PTAFR: variants seen among roughly 807,000 people sequenced by gnomAD.
PTAFR encodes the protein platelet activating factor receptor.
A neutral mutation model predicts 14.7 loss-of-function variants in PTAFR; 8 were observed. The ratio of observed to expected loss-of-function variants is 0.54; its 90% CI spans 0.32 to 0.98. PTAFR has a LOEUF of 0.98. PTAFR is among the 50% of genes least tolerant of loss of function. The pLI, the probability that PTAFR is intolerant of heterozygous loss-of-function variation, is 0.04. For synonymous variants in PTAFR, 156 were observed against 176.5 expected (o/e 0.88, Z 0.92); for missense variants, 337 against 451.2 (o/e 0.75, Z 2.29).
intron 1 of PTAFR, among the ~76,000 whole-genome samples, chr1:28,156,371 A>G (rs1307182985): frequency 6.6e-6 from 1 of 152,204 alleles, no homozygotes; most frequent in South Asian, 2.1e-4. Context: ...CCAAAACAAC[A>G]TATCACAGCA....
chr1:28,150,824 G>A lies in PTAFR; in HGVS notation c.198C>T (p.Phe66=). ...MVNLTMADML[F]LITLPLWIVY... is the part of the protein sequence containing the mutation. The stretch of plus-strand genomic sequence containing the variant: ...CAATCCAAAGTGGCAGGGTGATCAA[G>A]AAGAGCATGTCCGCCATGGTGAGGT... Residue 66 remains phenylalanine, a synonymous_variant, in exon 2 of 2, where the codon TTC becomes TTT. Transcript: ENST00000373857. This position sits in a 1 kb window ranked among gnomAD's most constrained non-coding sequence, Gnocchi z 6.3. The A allele has an allele frequency of 5.6e-6, 9 of 1,614,178 alleles. No homozygotes were observed. The highest frequency in any genetic ancestry group is 7.6e-6 in the Non-Finnish European group (9 of 1,180,036).
chr1:28,161,347 G>A (rs1004981055), intron 1 of PTAFR, among the ~76,000 whole-genome samples: 12 of 152,186 alleles, frequency 7.9e-5, no homozygotes, highest in African/African-American at 2.9e-4. Flanking sequence ...TGGGGAGACT[G>A]CAGAAACAAA....
chr1:28,183,890 T>TCAAAA (rs1483465641), intron 1 of PTAFR, among the ~76,000 whole-genome samples: 5 of 151,788 alleles, frequency 3.3e-5, no homozygotes, highest in Non-Finnish European at 2.9e-5. Context: ...AGACTCCATC[T>TCAAAA]CAAAACAAAA....
intron 1 of PTAFR, among the ~76,000 whole-genome samples, chr1:28,192,870 C>T (rs1646665398): frequency 6.6e-6 from 1 of 152,170 alleles, no homozygotes; most frequent in African/African-American, 2.4e-5. Flanking sequence ...TGGTCTCGAA[C>T]TCCCGACCTC....
At chr1:28,185,041 C>T (rs1317988536) in intron 1 of PTAFR, among the ~76,000 whole-genome samples, 1 of 152,196 alleles carries the variant, frequency 6.6e-6, no homozygotes, top group Non-Finnish European at 1.5e-5. Flanking sequence ...TCAGTGGGGC[C>T]TTTCCTGACC....
chr1:28,181,283 G>A (rs911713465), upstream of PTAFR, among the ~76,000 whole-genome samples: 50 of 152,128 alleles, frequency 3.3e-4, no homozygotes, highest in African/African-American at 1.0e-3. Flanking sequence ...GTTTGAGCAC[G>A]TACAATTCAC....
chr1:28,160,562 A>AC (rs1384043446), intron 1 of PTAFR, among the ~76,000 whole-genome samples: 2 of 23,540 alleles, frequency 8.5e-5, no homozygotes, highest in Non-Finnish European at 1.8e-4. Flanking sequence ...TCCCCCCGCC[A>AC]CCCCCCACAC....
At chr1:28,189,641 T>G (rs1015509642) in intron 1 of PTAFR, among the ~76,000 whole-genome samples, 1 of 151,312 alleles carries the variant, frequency 6.6e-6, no homozygotes, top group Non-Finnish European at 1.5e-5. Context: ...TAAATAAACA[T>G]AATGCGATAC....
intron 1 of PTAFR, among the ~76,000 whole-genome samples, chr1:28,169,198 C>A (rs1646425431): frequency 6.6e-6 from 1 of 151,550 alleles, no homozygotes; most frequent in Admixed American, 6.6e-5. Context: ...GAGTTTGAGA[C>A]CAGTCTGGAC....
intron 1 of PTAFR, among the ~76,000 whole-genome samples, chr1:28,157,630 A>ATTTT (rs1197395346): frequency 2.3e-5 from 3 of 131,138 alleles, no homozygotes; most frequent in Non-Finnish European, 5.0e-5. Context: ...ATTAATTTTG[A>ATTTT]TTTTTTTTTT....
At position 28,149,875 on chromosome 1, in the gene PTAFR, T is replaced by C. The variant is rs1323989464; in HGVS notation, c.*118A>G. On this transcript the variant is annotated 3_prime_UTR_variant, in exon 2 of 2. Transcript: ENST00000373857. The stretch of plus-strand genomic sequence containing the variant: ...CTGCCCAGGTGAGGTAGCCTCCAAA[T>C]CTAATGGCCCACCAGTGCCCACAGA... The C allele has an allele frequency of 2.9e-6, 4 of 1,358,360 alleles. No individual in the cohort carries two copies. The highest frequency in any genetic ancestry group is 4.0e-6 in the Non-Finnish European group (4 of 999,792). The allele number at this position is 1,358,360 out of a possible 1,614,324, so 84.1% of individuals were successfully genotyped here.
At chr1:28,174,762 GTTT>G (rs1464455191) in intron 1 of PTAFR, among the ~76,000 whole-genome samples, 2 of 152,190 alleles carry the variant, frequency 1.3e-5, no homozygotes, top group Non-Finnish European at 2.9e-5. Context: ...GAACAAAACA[GTTT>G]CCTCATCCCT....
upstream of PTAFR, among the ~76,000 whole-genome samples, chr1:28,178,462 T>C (rs142281634): frequency 7.2e-3 from 1,098 of 152,104 alleles, 11 homozygotes; most frequent in African/African-American, 0.024. Context: ...GGTTTCACCA[T>C]GTTAGCCAGG....
intron 1 of PTAFR, among the ~76,000 whole-genome samples, chr1:28,161,618 A>C (rs1042094519): frequency 3.9e-5 from 6 of 152,122 alleles, no homozygotes; most frequent in African/African-American, 1.4e-4. Context: ...AAGTGCTAGG[A>C]TTACAGGCAT....
chr1:28,170,591 C>T lies in PTAFR; in HGVS notation c.-39+6001G>A, dbSNP rs376489485. Among the ~76,000 whole-genome samples the T allele has an allele frequency of 7.2e-5, 11 of 152,236 alleles. 1 individual carries two copies. The East Asian group carries it at 7.7e-4, about 11-fold the overall frequency. Reference sequence around the variant, plus strand: ...AGCCAGGCATGGTGGCACATGCCTGCAGTCCTAGCTACTATGGAGGCTGAG... The same window carrying T: ...AGCCAGGCATGGTGGCACATGCCTGTAGTCCTAGCTACTATGGAGGCTGAG... On this transcript the variant is annotated intron_variant, in intron 1 of 1. Coordinates refer to ENST00000373857, the MANE Select transcript of PTAFR (RefSeq NM_000952.5).
At chr1:28,183,539 G>T (rs1287308385) in intron 1 of PTAFR, among the ~76,000 whole-genome samples, 1 of 152,144 alleles carries the variant, frequency 6.6e-6, no homozygotes, top group Non-Finnish European at 1.5e-5. Flanking sequence ...AAGGTGGGAG[G>T]ATCACTCGAG....
intron 1 of PTAFR, 131 bp from the exon 2 acceptor site, chr1:28,151,190 T>G: frequency 1.6e-6 from 1 of 613,882 alleles, no homozygotes; most frequent in Non-Finnish European, 2.8e-6. Context: ...AATCTTTTTT[T>G]TTTTTTCAGA....
chr1:28,191,508 T>G (rs1646651899), intron 1 of PTAFR, among the ~76,000 whole-genome samples: 1 of 151,820 alleles, frequency 6.6e-6, no homozygotes, highest in African/African-American at 2.4e-5. Context: ...CCAGGGTGGG[T>G]GGACCACTTG....
intron 1 of PTAFR, among the ~76,000 whole-genome samples, chr1:28,184,098 T>G (rs12354066): frequency 0.029 from 3,921 of 135,450 alleles, 167 homozygotes; most frequent in African/African-American, 0.095. Context: ...TTTTTTTTTT[T>G]TTTTTTTTTT....
Sources: allele counts gnomAD v4.1 joint callset (sites outside exome capture counted in the v4.1 genomes callset), GRCh38; gene constraint gnomAD v4.1.1; non-coding constraint Gnocchi (gnomAD v3.1); transcripts MANE v1.5; gene names NCBI Gene and HGNC (gene_info 2026-07-23, HGNC 2026-07-21).